Variants in TSPEAR observed in about 807,000 individuals in gnomAD.
TSPEAR encodes thrombospondin type laminin G domain and EAR repeats.
Under a neutral mutation model 71.6 loss-of-function variants are expected in TSPEAR, and 69 were observed. The observed-to-expected ratio is 0.96, with a 90% confidence interval of 0.79 to 1.18. The LOEUF is 1.18. Ranked by LOEUF, TSPEAR falls within the 50% of genes most tolerant of loss-of-function variation. The pLI, the probability that TSPEAR is intolerant of heterozygous loss-of-function variation, is 0.00. For synonymous variants in TSPEAR, 402 were observed against 387.2 expected (o/e 1.04, Z -0.45); for missense variants, 971 against 894.9 (o/e 1.09, Z -1.09).
At chr21:44,617,958 C>A (rs1555932888) in intron 1 of TSPEAR, among the ~76,000 whole-genome samples, 3 of 152,192 alleles carry the variant, frequency 2.0e-5, no homozygotes, top group African/African-American at 7.2e-5. Flanking sequence ...TTTAGAAATA[C>A]CCTCAAAAAG....
chr21:44,574,769 T>C (rs782319253), intron 1 of TSPEAR: 2 of 1,613,758 alleles, frequency 1.2e-6, no homozygotes, highest in Admixed American at 3.3e-5. Context: ...GGGCTTCCTC[T>C]TCATGCTGCC....
rs2051976188 is a variant in TSPEAR, at chr21:44,498,885, C to T, written c.*898G>A. Reference sequence around the variant, plus strand: ...CCCCTGGGGCCTTGCGCCCATCACCCCCTCTCATCCTCACTGCCTGTGACG... The same window carrying T: ...CCCCTGGGGCCTTGCGCCCATCACCTCCTCTCATCCTCACTGCCTGTGACG... On this transcript the variant is annotated 3_prime_UTR_variant, in exon 12 of 12. Transcript: ENST00000323084. 6.6e-6 allele frequency: 1 copy of T among 152,268 alleles called. No homozygotes were observed. Among genetic ancestry groups the T allele is most frequent in the African/African-American group, 2.4e-5 (1 of 41,436 alleles). 9.4% of individuals were successfully genotyped at this position (152,268 alleles called of 1,614,324 possible).
chr21:44,551,417 G>A lies in TSPEAR; in HGVS notation c.303+16368C>T, dbSNP rs438117. ...GGCAGTCGTCCACCTGCCAGGAGTT[G>A]GTGCAGGCGCTGGAGCAGATGGACA... is the stretch of plus-strand genomic sequence containing the variant. On this transcript the variant is annotated intron_variant, in intron 2 of 11. Transcript: ENST00000323084. 17 of 1,613,046 alleles carry A rather than the reference G, an allele frequency of 1.1e-5. No homozygotes were observed. The East Asian group carries it at 1.1e-4, about 11-fold the overall frequency.
intron 2 of TSPEAR, among the ~76,000 whole-genome samples, chr21:44,548,459 G>A (rs2053339807): frequency 6.6e-6 from 1 of 152,164 alleles, no homozygotes; most frequent in South Asian, 2.1e-4. Context: ...GTGGGTGGAC[G>A]GCAGGTGGGG....
At position 44,711,427 on chromosome 21, in the gene TSPEAR, C is replaced by G. The variant is rs782634897; in HGVS notation, c.82+6G>C. 3.8e-6 allele frequency: 6 copies of G among 1,594,624 alleles called. No individual in the cohort carries two copies. Among genetic ancestry groups the G allele is most frequent in the Non-Finnish European group, 5.1e-6 (6 of 1,171,252 alleles). Reference sequence around the variant, plus strand: ...CCCCGCCCGAGTTCCCATGCCCCTGCCTTACCTGTGCAGGGCTCCCAACCC... The same window carrying G: ...CCCCGCCCGAGTTCCCATGCCCCTGGCTTACCTGTGCAGGGCTCCCAACCC... On this transcript the variant is annotated splice_donor_region_variant and intron_variant, in intron 1 of 11. Transcript: ENST00000323084. The surrounding 1 kb of genome is among the most constrained non-coding windows in gnomAD (Gnocchi z 4.5).
At chr21:44,556,610 T>G (rs2053534291) in intron 2 of TSPEAR, among the ~76,000 whole-genome samples, 1 of 152,110 alleles carries the variant, frequency 6.6e-6, no homozygotes, top group Non-Finnish European at 1.5e-5. Flanking sequence ...GAGAATCCCT[T>G]GAATCTGGGA....
chr21:44,626,126 G>C (rs1390079516), intron 1 of TSPEAR, among the ~76,000 whole-genome samples: 1 of 152,172 alleles, frequency 6.6e-6, no homozygotes. Context: ...CGTGTAATAC[G>C]TCTTACTTTA....
intron 1 of TSPEAR, among the ~76,000 whole-genome samples, chr21:44,709,628 C>T (rs1160732539): frequency 1.3e-5 from 2 of 152,386 alleles, no homozygotes; most frequent in East Asian, 3.9e-4. Flanking sequence ...CGGCTCCACG[C>T]CGTGGGCACA....
At chr21:44,539,924 G>A (rs782373435) in intron 2 of TSPEAR, 21 of 1,613,950 alleles carry the variant, frequency 1.3e-5, no homozygotes, top group Admixed American at 6.7e-5. Flanking sequence ...GCACGAGGGC[G>A]TGCAGGAGCT....
intron 1 of TSPEAR, chr21:44,697,701 C>T: frequency 6.2e-7 from 1 of 1,612,714 alleles, no homozygotes; most frequent in Non-Finnish European, 8.5e-7. Context: ...CCTGTCTGCT[C>T]TGGGGCCTCC....
At chr21:44,592,536 G>A in intron 1 of TSPEAR, 1 of 1,556,394 alleles carries the variant, frequency 6.4e-7, no homozygotes, top group Non-Finnish European at 8.7e-7. Context: ...AGGTGCTGAG[G>A]CTCTCGGGCT....
intron 1 of TSPEAR, among the ~76,000 whole-genome samples, chr21:44,595,882 T>C (rs138644747): frequency 1.8e-3 from 278 of 152,378 alleles, no homozygotes; most frequent in African/African-American, 5.7e-3. Flanking sequence ...GAATACATAA[T>C]GATCTCTGTC....
chr21:44,638,691 C>A (rs1306135631), intron 1 of TSPEAR, among the ~76,000 whole-genome samples: 2 of 151,932 alleles, frequency 1.3e-5, no homozygotes, highest in African/African-American at 4.8e-5. Context: ...GCCCCGTGGG[C>A]CCCCAACCCC....
rs2052821013 is a variant in TSPEAR at position 44,524,975 on chromosome 21, T to TCAGA, written c.1336+677_1336+678insTCTG. Among the ~76,000 whole-genome samples the TCAGA allele has an allele frequency of 8.6e-5, 13 of 151,790 alleles. No homozygotes were observed. In the South Asian group the frequency reaches 2.7e-3, roughly 32 times the overall value. On this transcript the variant is annotated intron_variant, in intron 8 of 11. Transcript: ENST00000323084. ...GTCAGTCACTCTTTGAGGCAGTCAGTCAGTCAGTCAGTCAGTGAGGCAGTC... is the reference window on the plus strand; with the variant it reads ...GTCAGTCACTCTTTGAGGCAGTCAGTCAGACAGTCAGTCAGTCAGTGAGGCAGTC...
chr21:44,535,714 A>ATG (rs2053077747), intron 2 of TSPEAR, among the ~76,000 whole-genome samples: 1 of 152,058 alleles, frequency 6.6e-6, no homozygotes, highest in East Asian at 1.9e-4. Flanking sequence ...CTACAGGTGC[A>ATG]CACCACCACA....
At chr21:44,550,845 G>A (rs1199080933) in intron 2 of TSPEAR, 1 of 1,530,192 alleles carries the variant, frequency 6.5e-7, no homozygotes, top group Non-Finnish European at 8.9e-7. Flanking sequence ...CGGAGAGGAA[G>A]CCCCAGAGCA....
intron 1 of TSPEAR, among the ~76,000 whole-genome samples, chr21:44,578,581 T>C (rs462697): frequency 0.95 from 143,980 of 152,280 alleles, 68,208 homozygotes; most frequent in Non-Finnish European, 0.97. Context: ...GTGGCAGGGA[T>C]GCCCTTGGTG....
intron 1 of TSPEAR, chr21:44,658,487 C>A (rs1985303478): frequency 3.4e-6 from 2 of 591,872 alleles, no homozygotes; most frequent in Non-Finnish European, 3.0e-6. Flanking sequence ...CTCACTCCAG[C>A]AGGAAACTAA....
In TSPEAR at chr21:44,520,577, G is replaced by C. The variant is rs776693421; in HGVS notation, c.1566+1306C>G. On this transcript the variant is annotated intron_variant, in intron 9 of 11. Coordinates refer to ENST00000323084, the MANE Select transcript of TSPEAR (RefSeq NM_144991.3). The surrounding 1 kb of genome is among the most constrained non-coding windows in gnomAD (Gnocchi z 4.2). Reference sequence around the variant, plus strand: ...GTGTGATTGGTCCCTGTGAGCCGCGGCTCCTGGTCCGGCCCCTGCGGGCTT... The same window carrying C: ...GTGTGATTGGTCCCTGTGAGCCGCGCCTCCTGGTCCGGCCCCTGCGGGCTT... The C allele has an allele frequency of 6.6e-6, 1 of 152,160 alleles. No homozygotes were observed. Among genetic ancestry groups the C allele is most frequent in the Non-Finnish European group, 1.5e-5 (1 of 68,054 alleles). The allele number at this position is 152,160 out of a possible 1,614,324, so 9.4% of individuals were successfully genotyped here.
Sources: gnomAD v4.1 joint callset for allele counts (sites outside exome capture counted in the v4.1 genomes callset) on GRCh38, gnomAD v4.1.1 for gene constraint, Gnocchi (gnomAD v3.1) non-coding constraint, MANE v1.5 for transcripts, NCBI Gene and HGNC (gene_info 2026-07-23, HGNC 2026-07-21) for gene names.